The following LRFN5 variants were observed in gnomAD, a reference collection of about 807,000 sequenced individuals.
The protein encoded by LRFN5 is leucine-rich repeat and fibronectin type-III domain-containing protein 5.
LRFN5 carries 24 observed loss-of-function variants against 45.6 expected under a neutral mutation model. That is an observed-to-expected ratio of 0.53 (90% CI 0.38 to 0.74). LRFN5 has a LOEUF of 0.74. LRFN5 is among the 30% of genes least tolerant of loss of function. LRFN5 has a pLI of 0.00. For missense variants in LRFN5, 776 were observed against 861.5 expected (o/e 0.90, Z 1.24); for synonymous variants, 340 against 313.8 (o/e 1.08, Z -0.88).
At chr14:41,743,833 A>G (rs1366997753) in intron 1 of LRFN5, among the ~76,000 whole-genome samples, 1 of 152,194 alleles carries the variant, frequency 6.6e-6, no homozygotes, top group Non-Finnish European at 1.5e-5. Flanking sequence ...ACATAAATTA[A>G]TAAAATTTTA....
At chr14:41,840,883 G>T (rs1200706972) in intron 2 of LRFN5, among the ~76,000 whole-genome samples, 1 of 150,608 alleles carries the variant, frequency 6.6e-6, no homozygotes, top group Admixed American at 6.6e-5. Flanking sequence ...CTATGGATTT[G>T]GATTCAAATA....
chr14:41,634,837 G>A (rs1223776318), intron 1 of LRFN5, among the ~76,000 whole-genome samples: 1 of 151,874 alleles, frequency 6.6e-6, no homozygotes, highest in Non-Finnish European at 1.5e-5. Context: ...TACATACACT[G>A]GATCAACATT....
chr14:41,715,206 T>C (rs1883444150), intron 1 of LRFN5, among the ~76,000 whole-genome samples: 2 of 152,330 alleles, frequency 1.3e-5, no homozygotes, highest in Middle Eastern at 3.4e-3. Flanking sequence ...TGAGACTGCA[T>C]TACCATTTTG....
At chr14:41,800,484 G>A (rs967494152) in intron 2 of LRFN5, among the ~76,000 whole-genome samples, 1 of 151,494 alleles carries the variant, frequency 6.6e-6, no homozygotes, top group Non-Finnish European at 1.5e-5. Flanking sequence ...TCTAATAATT[G>A]TATGATTATA....
chr14:41,736,738 C>G (rs1488385983), intron 1 of LRFN5, among the ~76,000 whole-genome samples: 6 of 152,158 alleles, frequency 3.9e-5, no homozygotes, highest in Admixed American at 3.3e-4. Flanking sequence ...TGTAAATAAA[C>G]TAGAAAATCT....
chr14:41,726,527 C>G (rs996011245), intron 1 of LRFN5, among the ~76,000 whole-genome samples: 2 of 152,106 alleles, frequency 1.3e-5, no homozygotes, highest in African/African-American at 4.8e-5. Context: ...CATTATGATG[C>G]TGAAACTGAA....
chr14:41,764,794 TACATATATATGATTATATATGCAGA>T (rs1885810024), intron 1 of LRFN5, among the ~76,000 whole-genome samples: 1 of 40,328 alleles, frequency 2.5e-5, no homozygotes, highest in Non-Finnish European at 4.5e-5. Context: ...GTGTGCAGAA[TACATATATATGATTATATATGCAGA>T]ATACATATAT....
intron 1 of LRFN5, among the ~76,000 whole-genome samples, chr14:41,706,461 T>C (rs1350499290): frequency 1.3e-5 from 2 of 152,176 alleles, no homozygotes; most frequent in Non-Finnish European, 2.9e-5. Context: ...TTTTTATTTT[T>C]TATTCTTCAA....
chr14:41,804,686 G>A (rs1035478542), intron 2 of LRFN5, among the ~76,000 whole-genome samples: 1 of 152,126 alleles, frequency 6.6e-6, no homozygotes, highest in Non-Finnish European at 1.5e-5. Context: ...AATTTTAGAG[G>A]TTAAAGGCAA....
intron 2 of LRFN5, among the ~76,000 whole-genome samples, chr14:41,771,691 A>C (rs1886095666): frequency 6.6e-6 from 1 of 152,084 alleles, no homozygotes; most frequent in South Asian, 2.1e-4. Flanking sequence ...TTTCCATCGG[A>C]GACCTTGTCA....
chr14:41,879,024 A>G (rs910175337), intron 2 of LRFN5, among the ~76,000 whole-genome samples: 1 of 152,032 alleles, frequency 6.6e-6, no homozygotes, highest in Admixed American at 6.6e-5. Flanking sequence ...CACAATTTAT[A>G]TGATTTTTTT....
intron 1 of LRFN5, among the ~76,000 whole-genome samples, chr14:41,731,098 A>C (rs1238598837): frequency 6.6e-6 from 1 of 152,102 alleles, no homozygotes; most frequent in East Asian, 1.9e-4. Context: ...TCTTATGGAC[A>C]ATGACAACAA....
intron 4 of LRFN5, among the ~76,000 whole-genome samples, chr14:41,896,297 A>G (rs536345487): frequency 8.7e-4 from 130 of 148,830 alleles, no homozygotes; most frequent in African/African-American, 3.1e-3. Context: ...TTGATTTCCA[A>G]TTGGATTTTA....
intron 2 of LRFN5, among the ~76,000 whole-genome samples, chr14:41,806,778 C>A (rs997322811): frequency 9.2e-5 from 14 of 152,294 alleles, no homozygotes; most frequent in Non-Finnish European, 1.6e-4. Context: ...GCTTACCGTA[C>A]ACAGACAGAT....
At chr14:41,869,853 A>G (rs752104913) in intron 2 of LRFN5, among the ~76,000 whole-genome samples, 2 of 152,136 alleles carry the variant, frequency 1.3e-5, no homozygotes, top group East Asian at 1.9e-4. Flanking sequence ...CGCATGACAC[A>G]TGGGAATTGT....
rs572839238 is a variant in LRFN5 at position 41,675,065 on chromosome 14, C to T, written c.-197+66503C>T. 1.1e-3 allele frequency among the ~76,000 whole-genome samples: 169 copies of T among 151,722 alleles called. 1 individual carries two copies. Among genetic ancestry groups the T allele is most frequent in the African/African-American group, 3.8e-3 (157 of 41,364 alleles). On this transcript the variant is annotated intron_variant, in intron 1 of 5. Coordinates refer to ENST00000298119, the MANE Select transcript of LRFN5 (RefSeq NM_152447.5). ...GGGATGGCGGCCAGGAAGAGGCGCT[C>T]CTCACTTCCTAGATGGGATGGCGGC... is the stretch of plus-strand genomic sequence containing the variant.
chr14:41,867,417 G>A (rs1447422285), intron 2 of LRFN5, among the ~76,000 whole-genome samples: 1 of 151,964 alleles, frequency 6.6e-6, no homozygotes, highest in Non-Finnish European at 1.5e-5. Flanking sequence ...TAATGCCCTG[G>A]TTTTAATCCA....
intron 2 of LRFN5, among the ~76,000 whole-genome samples, chr14:41,820,593 G>A (rs138347744): frequency 6.6e-6 from 1 of 151,932 alleles, no homozygotes; most frequent in African/African-American, 2.4e-5. Context: ...TGGCTATTTA[G>A]GCTCTTTTTT....
chr14:41,768,865 T>G (rs923503701), intron 2 of LRFN5, among the ~76,000 whole-genome samples: 14 of 152,144 alleles, frequency 9.2e-5, no homozygotes, highest in Non-Finnish European at 1.9e-4. Flanking sequence ...CATTTACTAA[T>G]TGCTAAAATC....
Sources: gnomAD v4.1 joint callset for allele counts (sites outside exome capture counted in the v4.1 genomes callset) on GRCh38, gnomAD v4.1.1 for gene constraint, MANE v1.5 for transcripts, NCBI Gene and HGNC (gene_info 2026-07-23, HGNC 2026-07-21) for gene names.